COL12A1: variants seen among roughly 807,000 people sequenced by gnomAD.
COL12A1 encodes the protein collagen type XII alpha 1 chain.
COL12A1 carries 114 observed loss-of-function variants against 349.7 expected under a neutral mutation model. The observed-to-expected ratio is 0.33, with a 90% CI of 0.28 to 0.38. The LOEUF is 0.38. COL12A1 is among the 10% of genes least tolerant of loss of function. The probability of loss-of-function intolerance (pLI) is 1.00; values close to 1 mark genes in which losing one functional copy is unlikely to be tolerated. For synonymous variants in COL12A1, 1,369 were observed against 1,329.0 expected, an observed-to-expected ratio of 1.03 and a Z score of -0.66; for missense variants, 3,284 against 3,756.9, an observed-to-expected ratio of 0.87 and a Z score of 3.29.
Position 75,121,231 on chromosome 6 carries a change from A to G in COL12A1, c.7086+71T>C, listed in dbSNP as rs907585358. On this transcript the variant is annotated intron_variant, in intron 44 of 65. Transcript: ENST00000322507. ...AGAGTTTATATTGAAAAGACTTTTT[A>G]CTTAAAAAGAGAAGTTCAAAGGAAA... is the stretch of plus-strand genomic sequence containing the variant. 3.4e-5 allele frequency: 46 copies of G among 1,351,786 alleles called. No individual in the cohort carries two copies. The Middle Eastern group carries it at 1.2e-3, about 35-fold the overall frequency. The allele number at this position is 1,351,786 out of a possible 1,614,324, so 83.7% of individuals were successfully genotyped here.
chr6:75,205,380 C>A (rs542860762), intron 1 of COL12A1, among the ~76,000 whole-genome samples: 5 of 151,744 alleles, frequency 3.3e-5, no homozygotes, highest in East Asian at 1.9e-4. Flanking sequence ...ACCTTCCCAG[C>A]GCCCCCGCCG....
chr6:75,146,000 G>A (rs1040470264), intron 24 of COL12A1, 102 bp downstream of exon 24: 90 of 1,253,112 alleles, frequency 7.2e-5, no homozygotes, highest in Non-Finnish European at 8.6e-5. Context: ...CATTTTGTAC[G>A]TAAAGTTATA....
chr6:75,099,844 T>C (rs763410380), intron 58 of COL12A1, among the ~76,000 whole-genome samples: 1 of 152,224 alleles, frequency 6.6e-6, no homozygotes, highest in Non-Finnish European at 1.5e-5. Flanking sequence ...TCTCCCTACT[T>C]GATCCTGCTA....
intron 10 of COL12A1, among the ~76,000 whole-genome samples, chr6:75,181,996 TG>T (rs1378943948): frequency 6.7e-6 from 1 of 148,858 alleles, no homozygotes; most frequent in Non-Finnish European, 1.5e-5. Context: ...CTGGGTAGGC[TG>T]GGGTGCGAGA....
intron 42 of COL12A1, among the ~76,000 whole-genome samples, chr6:75,123,739 CCAACT>C (rs1765861689): frequency 1.3e-5 from 2 of 152,262 alleles, no homozygotes; most frequent in South Asian, 4.1e-4. Context: ...CAAAGTAGCA[CCAACT>C]CAATAACAGG....
intron 11 of COL12A1, 83 bp downstream of exon 11, chr6:75,180,856 G>T: frequency 6.7e-7 from 1 of 1,490,446 alleles, no homozygotes; most frequent in Non-Finnish European, 9.0e-7. Context: ...GAACTATAAA[G>T]CAGATGGTTA....
At chr6:75,167,498 A>G (rs897705308) in intron 13 of COL12A1, among the ~76,000 whole-genome samples, 3 of 152,188 alleles carry the variant, frequency 2.0e-5, no homozygotes, top group African/African-American at 7.2e-5. Flanking sequence ...TTATCTTTCA[A>G]ATTAACACCG....
At position 75,102,625 on chromosome 6, in the gene COL12A1, G is replaced by A; in HGVS notation, c.8387C>T (p.Pro2796Leu). Reference protein sequence around the residue: ...GPQGPPGPQGPNGLSIPGEQG... With the variant: ...GPQGPPGPQGLNGLSIPGEQG... ...CTCTCCCGGAATAGAGAGTCCATTG[G>A]GTCCCTGAGGGCCTGGAGGACCCTG... The change falls in exon 56 of 66, where the codon CCC (proline) becomes CTC (leucine). Residue 2796 changes from proline to leucine, a missense_variant. Pro to Leu is a moderately conservative substitution (Grantham distance 98). Around this residue, in one of 2 missense-constraint regions of COL12A1, gnomAD observed 683 missense variants for 932.1 expected, o/e 0.73. Transcript: ENST00000322507. 15 of 1,561,216 alleles carry A rather than the reference G, an allele frequency of 9.6e-6. No individual in the cohort carries two copies. Among genetic ancestry groups the A allele is most frequent in the Non-Finnish European group, 1.3e-5 (15 of 1,154,592 alleles).
At chr6:75,200,945 CA>C (rs35820717) in intron 2 of COL12A1, among the ~76,000 whole-genome samples, 3,952 of 127,252 alleles carry the variant, frequency 0.031, 173 homozygotes, top group African/African-American at 0.1. Flanking sequence ...GATTAAGAAG[CA>C]AAAAAAAAAA....
chr6:75,133,844 C>T lies in COL12A1; in HGVS notation c.5664+14G>A. On this transcript the variant is annotated intron_variant, in intron 33 of 65. Coordinates refer to ENST00000322507, the MANE Select transcript of COL12A1 (RefSeq NM_004370.6). ...TTAAACAAACTAGCATTTTTTACTA[C>T]AAGAAATAATTACCAGTTCCTCTGG... 4 of 1,612,958 alleles carry T rather than the reference C, an allele frequency of 2.5e-6. No individual in the cohort carries two copies. Among genetic ancestry groups the T allele is most frequent in the Non-Finnish European group, 3.4e-6 (4 of 1,179,590 alleles).
Position 75,116,068 on chromosome 6 carries a change from C to T in COL12A1, c.7520-11G>A, listed in dbSNP as rs748824474. Reference sequence around the variant, plus strand: ...AAATGAGAGGACAACCTGCAATGTACAGTGTTCTTTAAGTATGATTCACCA... The same window carrying T: ...AAATGAGAGGACAACCTGCAATGTATAGTGTTCTTTAAGTATGATTCACCA... On this transcript the variant is annotated splice_polypyrimidine_tract_variant and intron_variant, in intron 47 of 65. Transcript: ENST00000322507. 3 of 1,612,800 alleles carry T rather than the reference C, an allele frequency of 1.9e-6. No individual in the cohort carries two copies. In the African/African-American group the frequency reaches 4.0e-5, roughly 22 times the overall value.
chr6:75,169,237 A>T (rs1768493688), intron 13 of COL12A1, among the ~76,000 whole-genome samples: 1 of 152,194 alleles, frequency 6.6e-6, no homozygotes, highest in Admixed American at 6.5e-5. Context: ...ATCAGTAACT[A>T]CAGGAAGAAA....
At chr6:75,095,623 CAAAAAAAA>C (rs58205028) in intron 59 of COL12A1, among the ~76,000 whole-genome samples, 4 of 102,090 alleles carry the variant, frequency 3.9e-5, no homozygotes, top group Non-Finnish European at 7.9e-5. Flanking sequence ...GACTCCGTCT[CAAAAAAAA>C]AAAAAAAAAA....
intron 59 of COL12A1, 22 bp from the exon 60 acceptor site, chr6:75,095,201 G>T (rs1396439463): frequency 6.3e-7 from 1 of 1,596,978 alleles, no homozygotes; most frequent in Non-Finnish European, 8.6e-7. Context: ...GGAAAGGGAA[G>T]GGGACTGTTA....
At chr6:75,202,688 GT>G (rs1770592483) in intron 2 of COL12A1, 31 bp downstream of exon 2, 14 of 1,543,016 alleles carry the variant, frequency 9.1e-6, no homozygotes, top group Middle Eastern at 3.4e-4. Flanking sequence ...ATTTTGCATT[GT>G]CACTCGGTGA....
At chr6:75,147,839 G>A (rs1190572027) in intron 22 of COL12A1, 35 bp from the exon 23 acceptor site, 4 of 1,600,750 alleles carry the variant, frequency 2.5e-6, no homozygotes, top group Non-Finnish European at 3.4e-6. Context: ...AACAACGTAT[G>A]TATAATCAGT....
chr6:75,199,933 T>C (rs1770438366), intron 2 of COL12A1, among the ~76,000 whole-genome samples: 1 of 152,150 alleles, frequency 6.6e-6, no homozygotes, highest in African/African-American at 2.4e-5. Flanking sequence ...CAAAAAGGTA[T>C]TGGGTTTTTA....
Position 75,184,203 on chromosome 6 carries a change from G to A in COL12A1, c.998-59C>T, listed in dbSNP as rs1220580194. ...AGTGAGATGTAACCTTACTAATTTG[G>A]TCTTTAGGTTTGGACCTTCAAATCT... is the stretch of plus-strand genomic sequence containing the variant. On this transcript the variant is annotated intron_variant, in intron 8 of 65. Transcript: ENST00000322507. The A allele has an allele frequency of 3.2e-5, 50 of 1,539,966 alleles. 1 individual carries two copies. The highest frequency in any genetic ancestry group is 6.1e-6 in the Non-Finnish European group (7 of 1,139,428).
chr6:75,090,391 T>C lies in COL12A1; in HGVS notation c.8753-93A>G, dbSNP rs893168818. 3.2e-5 allele frequency: 39 copies of C among 1,225,560 alleles called. No homozygotes were observed. The highest frequency in any genetic ancestry group is 4.4e-5 in the Non-Finnish European group (39 of 878,336). The allele number at this position is 1,225,560 out of a possible 1,614,324, so 75.9% of individuals were successfully genotyped here. A position where few individuals can be genotyped will look rare whatever the true frequency, so the allele number is the denominator to read the frequency against. On this transcript the variant is annotated intron_variant, in intron 62 of 65. Coordinates refer to ENST00000322507, the MANE Select transcript of COL12A1 (RefSeq NM_004370.6). The surrounding 1 kb of genome is among the most constrained non-coding windows in gnomAD (Gnocchi z 4.1). ...TTCTCTTAGTGTCTAGTGAAATCCA[T>C]CTCCATTCTGCAACCCCTCTAAGGA...
Sources: allele counts gnomAD v4.1 joint callset (sites outside exome capture counted in the v4.1 genomes callset), GRCh38; gene constraint gnomAD v4.1.1; regional missense constraint gnomAD v4.1.1; non-coding constraint Gnocchi (gnomAD v3.1); transcripts MANE v1.5; gene names NCBI Gene and HGNC (gene_info 2026-07-23, HGNC 2026-07-21).